FBXL2: variants seen among roughly 807,000 people sequenced by gnomAD.
FBXL2 encodes the protein F-box/LRR-repeat protein 2.
Under a neutral mutation model 69.2 loss-of-function variants are expected in FBXL2, and 38 were observed. The observed-to-expected ratio is 0.55, with a 90% CI of 0.42 to 0.72. FBXL2 has a LOEUF of 0.72. Ranked by LOEUF, FBXL2 falls within the 30% of genes least tolerant of loss-of-function variation. FBXL2 has a pLI of 0.00. For missense variants in FBXL2, 354 were observed against 520.3 expected (o/e 0.68, Z 3.11); for synonymous variants, 192 against 201.3 (o/e 0.95, Z 0.39).
At chr3:33,382,942 T>G (rs1361331940) in intron 13 of FBXL2, 3 of 152,252 alleles carry the variant, frequency 2.0e-5, no homozygotes, top group African/African-American at 7.2e-5. Context: ...ACCTTCTTCC[T>G]AAACAGTACT....
intron 2 of FBXL2, among the ~76,000 whole-genome samples, chr3:33,314,503 T>C (rs2037498951): frequency 6.6e-6 from 1 of 152,236 alleles, no homozygotes; most frequent in Admixed American, 6.5e-5. Flanking sequence ...GGCTCTATTA[T>C]GGCTAGAGAA....
rs72863736 is a variant in FBXL2, at chr3:33,344,863, A to C, written c.66-14104A>C. Among the ~76,000 whole-genome samples the C allele has an allele frequency of 9.5e-3, 1,451 of 152,274 alleles. 26 individuals are homozygous for C. The highest frequency in any genetic ancestry group is 0.034 in the African/African-American group (1,396 of 41,560). On this transcript the variant is annotated intron_variant, in intron 2 of 14. Coordinates refer to ENST00000484457, the MANE Select transcript of FBXL2 (RefSeq NM_012157.5). The stretch of plus-strand genomic sequence containing the variant: ...ACAAATAACTGATACCAGAAACAAA[A>C]GGGGGACATCACTATAACATCTACA...
intron 1 of FBXL2, among the ~76,000 whole-genome samples, chr3:33,288,436 A>T (rs2034875694): frequency 6.6e-6 from 1 of 152,144 alleles, no homozygotes; most frequent in Non-Finnish European, 1.5e-5. Flanking sequence ...TACTTTGGAG[A>T]AAAATAAAGC....
intron 2 of FBXL2, among the ~76,000 whole-genome samples, chr3:33,339,742 A>T (rs1185583010): frequency 6.6e-6 from 1 of 152,120 alleles, no homozygotes; most frequent in Non-Finnish European, 1.5e-5. Flanking sequence ...AAAAGTAAAT[A>T]CTCTCCAACC....
intron 4 of FBXL2, among the ~76,000 whole-genome samples, chr3:33,360,495 G>T (rs543566371): frequency 3.3e-5 from 5 of 152,250 alleles, no homozygotes; most frequent in African/African-American, 9.6e-5. Flanking sequence ...CTGTCATATT[G>T]TGGTGCTCTG....
At chr3:33,382,635 T>C (rs2043139347) in intron 13 of FBXL2, 1 of 152,248 alleles carries the variant, frequency 6.6e-6, no homozygotes, top group Non-Finnish European at 1.5e-5. Context: ...TTGGGGCCAT[T>C]ACAGCCAGTA....
intron 1 of FBXL2, among the ~76,000 whole-genome samples, chr3:33,292,864 C>T (rs79432282): frequency 6.6e-6 from 1 of 152,112 alleles, no homozygotes; most frequent in African/African-American, 2.4e-5. Context: ...ACAAAATAGA[C>T]TAAGTTATAA....
At chr3:33,403,815 G>A (rs996241548), downstream of FBXL2, among the ~76,000 whole-genome samples, 9 of 152,290 alleles carry the variant, frequency 5.9e-5, no homozygotes, top group Non-Finnish European at 1.3e-4. Context: ...ACATCACATG[G>A]TGTGATTTCA....
chr3:33,374,859 A>G (rs1484075521), intron 9 of FBXL2, among the ~76,000 whole-genome samples: 1 of 152,204 alleles, frequency 6.6e-6, no homozygotes, highest in Non-Finnish European at 1.5e-5. Context: ...TGTATATTGT[A>G]AATATCTAAA....
intron 2 of FBXL2, among the ~76,000 whole-genome samples, chr3:33,313,401 T>G (rs554807477): frequency 6.6e-6 from 1 of 152,148 alleles, no homozygotes; most frequent in Admixed American, 6.5e-5. Context: ...TGTCAAACAT[T>G]AAAAAACAAA....
chr3:33,411,729 A>G, the FBXL2 span: 1 of 1,517,254 alleles, frequency 6.6e-7, no homozygotes. Context: ...TCCACTTTAA[A>G]TAACTTAAAA....
At chr3:33,349,285 C>T (rs755768027) in intron 2 of FBXL2, among the ~76,000 whole-genome samples, 2 of 152,164 alleles carry the variant, frequency 1.3e-5, no homozygotes, top group South Asian at 2.1e-4. Flanking sequence ...CCTTCTATAC[C>T]TAGTTTGTTG....
At chr3:33,287,122 C>G (rs190952635) in intron 1 of FBXL2, among the ~76,000 whole-genome samples, 2 of 152,346 alleles carry the variant, frequency 1.3e-5, no homozygotes, top group African/African-American at 4.8e-5. Flanking sequence ...GAGCTATAGA[C>G]TGGAGCTGTT....
At chr3:33,320,057 A>G (rs185312061) in intron 2 of FBXL2, among the ~76,000 whole-genome samples, 4 of 152,338 alleles carry the variant, frequency 2.6e-5, no homozygotes, top group East Asian at 3.9e-4. Flanking sequence ...CCCTAGATCT[A>G]TGGATTCAAT....
chr3:33,337,130 G>A (rs185317075), intron 2 of FBXL2, among the ~76,000 whole-genome samples: 21 of 150,704 alleles, frequency 1.4e-4, no homozygotes, highest in African/African-American at 3.7e-4. Flanking sequence ...GCTTGAACCC[G>A]GGAGGTGGAG....
At chr3:33,309,728 T>C (rs182994546) in intron 2 of FBXL2, among the ~76,000 whole-genome samples, 1 of 152,232 alleles carries the variant, frequency 6.6e-6, no homozygotes, top group Non-Finnish European at 1.5e-5. Context: ...GATTATATGA[T>C]TTTTCTGTAG....
intron 1 of FBXL2, among the ~76,000 whole-genome samples, chr3:33,293,033 A>G (rs549105729): frequency 1.9e-4 from 29 of 152,226 alleles, no homozygotes; most frequent in East Asian, 3.9e-4. Context: ...TCTTTTTTCT[A>G]TTTTAGTGAT....
chr3:33,397,060 T>G, intron 12 of FBXL2: 9 of 1,597,208 alleles, frequency 5.6e-6, no homozygotes, highest in Non-Finnish European at 7.7e-6. Context: ...CTTCAGTGAA[T>G]TATAGAGCCG....
intron 12 of FBXL2, chr3:33,396,433 A>G (rs2043999040): frequency 1.8e-6 from 1 of 550,844 alleles, no homozygotes; most frequent in Non-Finnish European, 3.1e-6. Flanking sequence ...TAAAAATATA[A>G]AAACCACACA....
Sources: gnomAD v4.1 joint callset for allele counts (sites outside exome capture counted in the v4.1 genomes callset) on GRCh38, gnomAD v4.1.1 for gene constraint, MANE v1.5 for transcripts, NCBI Gene and HGNC (gene_info 2026-07-23, HGNC 2026-07-21) for gene names.